Variants in ATP10B observed in about 807,000 individuals in gnomAD.
ATP10B encodes the protein phospholipid-transporting ATPase VB.
A neutral mutation model predicts 141.2 loss-of-function variants in ATP10B; 122 were observed. The ratio of observed to expected loss-of-function variants is 0.86; its 90% CI spans 0.75 to 1.00. ATP10B has a LOEUF of 1.00. ATP10B is among the 50% of genes least tolerant of loss of function. The probability of loss-of-function intolerance (pLI) is 0.00; values close to 1 mark genes in which losing one functional copy is unlikely to be tolerated. For synonymous variants in ATP10B, 685 were observed against 692.0 expected (o/e 0.99, Z 0.16); for missense variants, 1,876 against 1,825.3 (o/e 1.03, Z -0.51).
chr5:160,874,208 C>G, the ATP10B span, among the ~76,000 whole-genome samples: 12 of 152,164 alleles, frequency 7.9e-5, no homozygotes, highest in Admixed American at 4.6e-4. Context: ...AGACTGCCTC[C>G]TCAAGTGGGT....
intron 1 of ATP10B, among the ~76,000 whole-genome samples, chr5:160,805,388 T>G (rs1042606650): frequency 3.3e-5 from 5 of 152,204 alleles, no homozygotes; most frequent in Non-Finnish European, 7.3e-5. Context: ...AATTTAATTG[T>G]CTTGTTAAAT....
rs74539557 is a variant in ATP10B at position 160,748,469 on chromosome 5, C to T, written c.-330-31435G>A. On this transcript the variant is annotated intron_variant, in intron 2 of 25. Coordinates refer to ENST00000327245, the MANE Select transcript of ATP10B (RefSeq NM_025153.3). Reference sequence around the variant, plus strand: ...AAATACGCTTCATCCACCCTTCACACAGCCACTGGGTACAAAAGAGTGCTG... The same window carrying T: ...AAATACGCTTCATCCACCCTTCACATAGCCACTGGGTACAAAAGAGTGCTG... Among the ~76,000 whole-genome samples, 1,294 of 152,344 alleles carry T rather than the reference C, an allele frequency of 8.5e-3. 18 individuals carry two copies. Among genetic ancestry groups the T allele is most frequent in the African/African-American group, 0.029 (1,221 of 41,568 alleles).
chr5:160,920,367 A>G, the ATP10B span, among the ~76,000 whole-genome samples: 372 of 152,344 alleles, frequency 2.4e-3, no homozygotes, highest in Non-Finnish European at 4.5e-3. Context: ...TTATATTAGG[A>G]AGAAATGGGC....
intron 6 of ATP10B, among the ~76,000 whole-genome samples, chr5:160,678,233 C>T (rs922264585): frequency 2.6e-5 from 4 of 152,198 alleles, no homozygotes; most frequent in African/African-American, 9.7e-5. Flanking sequence ...AGTGAATGTC[C>T]TTGGCTTTTC....
At chr5:160,686,860 T>C (rs1483936227) in intron 5 of ATP10B, 3 of 805,290 alleles carry the variant, frequency 3.7e-6, no homozygotes, top group Middle Eastern at 6.2e-4. Context: ...AATGGTCACT[T>C]ATAATAATAA....
chr5:160,618,027 C>T, intron 15 of ATP10B, 54 bp from the exon 16 acceptor site: 1 of 1,372,858 alleles, frequency 7.3e-7, no homozygotes, highest in Non-Finnish European at 1.0e-6. Flanking sequence ...TCAGGGATCC[C>T]CATCCCCAAT....
At chr5:160,728,517 G>C (rs1185635048) in intron 2 of ATP10B, among the ~76,000 whole-genome samples, 4 of 152,164 alleles carry the variant, frequency 2.6e-5, no homozygotes, top group Non-Finnish European at 5.9e-5. Flanking sequence ...CACACCCATG[G>C]CTCCATGGGA....
intron 7 of ATP10B, among the ~76,000 whole-genome samples, chr5:160,655,444 C>CATCTCCTCTGG (rs1298907143): frequency 2.6e-5 from 4 of 152,162 alleles, no homozygotes; most frequent in African/African-American, 9.7e-5. Flanking sequence ...CTCTGGTAGA[C>CATCTCCTCTGG]TGTCATCTTC....
chr5:160,599,769 G>A (rs1226541816), intron 21 of ATP10B, among the ~76,000 whole-genome samples: 1 of 152,188 alleles, frequency 6.6e-6, no homozygotes, highest in Non-Finnish European at 1.5e-5. Flanking sequence ...TTGTGGGTGG[G>A]CTGGGTCACT....
intron 2 of ATP10B, among the ~76,000 whole-genome samples, chr5:160,746,813 T>G (rs901525322): frequency 6.6e-6 from 1 of 152,216 alleles, no homozygotes; most frequent in African/African-American, 2.4e-5. Flanking sequence ...TATTGGATGA[T>G]TAAGACCATC....
intron 1 of ATP10B, among the ~76,000 whole-genome samples, chr5:160,791,661 A>G (rs1331678581): frequency 6.6e-6 from 1 of 152,202 alleles, no homozygotes; most frequent in Non-Finnish European, 1.5e-5. Context: ...CAGGATGAAG[A>G]AAGTGCAAAG....
chr5:160,670,337 G>C (rs997010535), intron 7 of ATP10B, 126 bp downstream of exon 7: 1 of 826,372 alleles, frequency 1.2e-6, no homozygotes, highest in African/African-American at 1.7e-5. Context: ...TGTATCTAAA[G>C]TGCTAGGGAA....
intron 2 of ATP10B, among the ~76,000 whole-genome samples, chr5:160,732,106 A>G (rs1766786473): frequency 6.6e-6 from 1 of 152,208 alleles, no homozygotes; most frequent in African/African-American, 2.4e-5. Flanking sequence ...TATTATAAAT[A>G]CCTCAATGAT....
chr5:160,725,670 CT>C (rs1766295985), intron 2 of ATP10B, among the ~76,000 whole-genome samples: 1 of 152,166 alleles, frequency 6.6e-6, no homozygotes, highest in Non-Finnish European at 1.5e-5. Flanking sequence ...TGGTCTCGAT[CT>C]CCTGACCTCG....
chr5:160,726,225 C>T (rs1766347563), intron 2 of ATP10B, among the ~76,000 whole-genome samples: 1 of 152,126 alleles, frequency 6.6e-6, no homozygotes, highest in South Asian at 2.1e-4. Flanking sequence ...ATTGTTTGCT[C>T]ACACCAGGGA....
the ATP10B span, among the ~76,000 whole-genome samples, chr5:160,913,602 ATTTC>A: frequency 6.6e-6 from 1 of 152,216 alleles, no homozygotes; most frequent in Admixed American, 6.5e-5. Flanking sequence ...TGTGCAACAC[ATTTC>A]TTTAATTTCC....
chr5:160,640,718 C>G, intron 9 of ATP10B, 126 bp from the exon 10 acceptor site: 1 of 1,311,208 alleles, frequency 7.6e-7, no homozygotes. Context: ...CTGAACTTGC[C>G]CCGCCTCAGA....
intron 1 of ATP10B, among the ~76,000 whole-genome samples, chr5:160,849,809 G>A (rs1254007856): frequency 6.6e-6 from 1 of 151,876 alleles, no homozygotes; most frequent in Non-Finnish European, 1.5e-5. Flanking sequence ...TAATAAAAGG[G>A]TATTTTATAA....
At chr5:160,615,161 A>G (rs1369968261) in intron 17 of ATP10B, among the ~76,000 whole-genome samples, 2 of 152,106 alleles carry the variant, frequency 1.3e-5, no homozygotes, top group East Asian at 3.9e-4. Flanking sequence ...AACCTTTAGC[A>G]GCTGATTGAC....
Sources: gnomAD v4.1 joint callset for allele counts (sites outside exome capture counted in the v4.1 genomes callset) on GRCh38, gnomAD v4.1.1 for gene constraint, MANE v1.5 for transcripts, NCBI Gene and HGNC (gene_info 2026-07-23, HGNC 2026-07-21) for gene names.